The following PTPRD variants were observed in gnomAD, a reference collection of about 807,000 sequenced individuals.
PTPRD encodes the protein receptor-type tyrosine-protein phosphatase delta.
PTPRD carries 34 observed loss-of-function variants against 214.5 expected under a neutral mutation model. That is an observed-to-expected ratio of 0.16 (90% CI 0.12 to 0.21). The LOEUF is 0.21. PTPRD is among the 10% of genes least tolerant of loss of function. The pLI is 1.00. For synonymous variants in PTPRD, 1,128 were observed against 845.7 expected (o/e 1.33, Z -5.79); for missense variants, 2,545 against 2,398.7 (o/e 1.06, Z -1.27).
At chr9:9,935,884 A>C (rs1305703013) in intron 5 of PTPRD, among the ~76,000 whole-genome samples, 4 of 150,260 alleles carry the variant, frequency 2.7e-5, no homozygotes, top group Non-Finnish European at 3.0e-5. Flanking sequence ...ACAGAGATAT[A>C]GATCAATGGA....
chr9:10,015,752 G>A (rs981746899), intron 4 of PTPRD, among the ~76,000 whole-genome samples: 2 of 152,166 alleles, frequency 1.3e-5, no homozygotes, highest in African/African-American at 4.8e-5. Flanking sequence ...ATAGCAGCCA[G>A]CAGCTGCCAC....
chr9:10,170,844 C>T (rs1165851453), intron 3 of PTPRD, among the ~76,000 whole-genome samples: 1 of 152,128 alleles, frequency 6.6e-6, no homozygotes, highest in Non-Finnish European at 1.5e-5. Context: ...CACTAATAGA[C>T]ATTATGGATG....
intron 9 of PTPRD, among the ~76,000 whole-genome samples, chr9:9,190,765 T>C (rs962940334): frequency 6.6e-6 from 1 of 152,074 alleles, no homozygotes; most frequent in African/African-American, 2.4e-5. Context: ...TATCAACCCA[T>C]GATAGATAAG....
chr9:9,602,965 T>C (rs1187317070), intron 7 of PTPRD, among the ~76,000 whole-genome samples: 2 of 152,072 alleles, frequency 1.3e-5, no homozygotes, highest in African/African-American at 2.4e-5. Flanking sequence ...GCAAATTGGC[T>C]GCTATATTTT....
intron 9 of PTPRD, among the ~76,000 whole-genome samples, chr9:9,375,225 C>T (rs915964303): frequency 6.6e-6 from 1 of 152,040 alleles, no homozygotes; most frequent in Non-Finnish European, 1.5e-5. Flanking sequence ...TTCACAGTAG[C>T]CAAATGTGGA....
intron 11 of PTPRD, among the ~76,000 whole-genome samples, chr9:8,850,589 A>G (rs999836919): frequency 2.3e-4 from 35 of 152,086 alleles, no homozygotes; most frequent in Non-Finnish European, 4.6e-4. Flanking sequence ...CTGGCCAGTA[A>G]GTAGATTTAG....
chr9:9,616,015 A>T (rs910497352), intron 7 of PTPRD, among the ~76,000 whole-genome samples: 5 of 152,192 alleles, frequency 3.3e-5, no homozygotes, highest in Non-Finnish European at 7.3e-5. Context: ...TTATTATCCA[A>T]ATAGAAATCA....
intron 11 of PTPRD, among the ~76,000 whole-genome samples, chr9:8,745,623 T>C (rs1054086677): frequency 2.6e-5 from 4 of 152,102 alleles, no homozygotes; most frequent in Non-Finnish European, 4.4e-5. Flanking sequence ...TATCTTAGAG[T>C]AAAAGTTTAT....
chr9:9,684,630 CT>C (rs1337720538), intron 7 of PTPRD, among the ~76,000 whole-genome samples: 2 of 151,340 alleles, frequency 1.3e-5, no homozygotes, highest in African/African-American at 4.8e-5. Context: ...CATAAAAGGC[CT>C]TTTTTGTTAG....
At chr9:8,537,487 G>T (rs1306922182) in intron 14 of PTPRD, among the ~76,000 whole-genome samples, 2 of 151,954 alleles carry the variant, frequency 1.3e-5, no homozygotes, top group East Asian at 3.9e-4. Context: ...CAGATAGTAT[G>T]CTTGTCTTAA....
chr9:9,010,642 G>A (rs1424155800), intron 11 of PTPRD, among the ~76,000 whole-genome samples: 3 of 151,222 alleles, frequency 2.0e-5, no homozygotes, highest in Non-Finnish European at 4.4e-5. Flanking sequence ...ATCTTTCTGG[G>A]TTCTGATAAC....
intron 6 of PTPRD, among the ~76,000 whole-genome samples, chr9:9,760,006 G>C (rs1412272582): frequency 6.6e-6 from 1 of 152,038 alleles, no homozygotes; most frequent in Non-Finnish European, 1.5e-5. Context: ...TAAACTTCCA[G>C]TATTGCCTGC....
chr9:8,512,257 G>A (rs992959143), intron 21 of PTPRD, among the ~76,000 whole-genome samples: 5 of 152,012 alleles, frequency 3.3e-5, no homozygotes, highest in African/African-American at 1.2e-4. Flanking sequence ...AGTCTGATGT[G>A]TAAATGCCAC....
At chr9:10,249,906 C>T (rs10958974) in intron 3 of PTPRD, among the ~76,000 whole-genome samples, 59,571 of 151,792 alleles carry the variant, frequency 0.39, 13,846 homozygotes, top group Non-Finnish European at 0.52. Flanking sequence ...ATAAATAAAG[C>T]GCTTAAATAT....
At chr9:8,797,396 T>C (rs1480480823) in intron 11 of PTPRD, among the ~76,000 whole-genome samples, 2 of 152,168 alleles carry the variant, frequency 1.3e-5, no homozygotes, top group East Asian at 1.9e-4. Context: ...AGCTATCAAA[T>C]AGATTGCTTA....
intron 9 of PTPRD, among the ~76,000 whole-genome samples, chr9:9,272,642 T>C (rs976764140): frequency 9.2e-5 from 14 of 151,368 alleles, no homozygotes; most frequent in African/African-American, 3.4e-4. Context: ...TCAAATTGTT[T>C]TTTAGCCATA....
intron 37 of PTPRD, among the ~76,000 whole-genome samples, chr9:8,384,026 T>C (rs985556870): frequency 6.6e-5 from 10 of 152,070 alleles, no homozygotes; most frequent in African/African-American, 2.2e-4. Flanking sequence ...CAAGAGAAGA[T>C]AGATGAAGGG....
chr9:9,917,565 G>A (rs1400517661), intron 5 of PTPRD, among the ~76,000 whole-genome samples: 1 of 151,210 alleles, frequency 6.6e-6, no homozygotes, highest in Non-Finnish European at 1.5e-5. Context: ...TGAAGCAGAA[G>A]GTATTCCTCC....
At chr9:8,929,618 G>A (rs983951436) in intron 11 of PTPRD, among the ~76,000 whole-genome samples, 82 of 150,626 alleles carry the variant, frequency 5.4e-4, no homozygotes, top group African/African-American at 1.8e-3. Context: ...TTTTTGCATC[G>A]ATGTTCATCA....
Sources: allele counts gnomAD v4.1 joint callset (sites outside exome capture counted in the v4.1 genomes callset), GRCh38; gene constraint gnomAD v4.1.1; transcripts MANE v1.5; gene names NCBI Gene and HGNC (gene_info 2026-07-23, HGNC 2026-07-21).